The following NTSR1 variants were observed in gnomAD, a reference collection of about 807,000 sequenced individuals.
NTSR1 encodes neurotensin receptor type 1.
Under a neutral mutation model 31.2 loss-of-function variants are expected in NTSR1, and 29 were observed. That is an observed-to-expected ratio of 0.93 (90% CI 0.69 to 1.27). The LOEUF (loss-of-function observed/expected upper bound fraction) is 1.27. Ranked by LOEUF, NTSR1 falls within the 50% of genes most tolerant of loss-of-function variation. NTSR1 has a pLI of 0.00. For synonymous variants in NTSR1, 282 were observed against 269.9 expected (o/e 1.04, Z -0.44); for missense variants, 697 against 595.4 (o/e 1.17, Z -1.78).
chr20:62,751,498 C>T (rs1162437909), intron 1 of NTSR1, among the ~76,000 whole-genome samples: 1 of 152,242 alleles, frequency 6.6e-6, no homozygotes, highest in Non-Finnish European at 1.5e-5. Context: ...TCATGGGGTG[C>T]CCCGCTTCAC....
At chr20:62,749,922 G>A (rs900115778) in intron 1 of NTSR1, among the ~76,000 whole-genome samples, 3 of 152,172 alleles carry the variant, frequency 2.0e-5, no homozygotes, top group Admixed American at 6.5e-5. Flanking sequence ...CAGAACCACC[G>A]TAGGATCCAG....
chr20:62,750,807 A>G (rs1392504354), intron 1 of NTSR1, among the ~76,000 whole-genome samples: 2 of 152,042 alleles, frequency 1.3e-5, no homozygotes, highest in African/African-American at 2.4e-5. Flanking sequence ...CGGATGTTTC[A>G]TTAGCTCGAT....
intron 1 of NTSR1, among the ~76,000 whole-genome samples, chr20:62,749,250 G>A (rs1989352769): frequency 6.6e-6 from 1 of 152,138 alleles, no homozygotes; most frequent in African/African-American, 2.4e-5. Flanking sequence ...GACCATCCTG[G>A]CTAACACGGT....
Position 62,762,105 on chromosome 20 carries a change from A to T in NTSR1, c.*1838A>T, listed in dbSNP as rs1048925283. On this transcript the variant is annotated 3_prime_UTR_variant, in exon 4 of 4. Coordinates refer to ENST00000370501, the MANE Select transcript of NTSR1 (RefSeq NM_002531.3). ...ATGTCCAGAGGTCAGTGCAGCCCCT[A>T]CCCCTGCTCAGGAGTGGGCTCAGAG... The T allele has an allele frequency of 2.6e-5, 4 of 152,214 alleles. No homozygotes were observed. Among genetic ancestry groups the T allele is most frequent in the Admixed American group, 2.0e-4 (3 of 15,276 alleles). The allele number at this position is 152,214 out of a possible 1,614,324, so 9.4% of individuals were successfully genotyped here. A position where few individuals can be genotyped will look rare whatever the true frequency, so the allele number is the denominator to read the frequency against.
At chr20:62,738,355 A>G (rs1005330762) in intron 1 of NTSR1, among the ~76,000 whole-genome samples, 1 of 152,270 alleles carries the variant, frequency 6.6e-6, no homozygotes, top group Non-Finnish European at 1.5e-5. Flanking sequence ...TCAGGTCTGC[A>G]GCCCGGCTTG....
At position 62,743,572 on chromosome 20, in the gene NTSR1, T is replaced by C. The variant is rs1413001938; in HGVS notation, c.715-11113T>C. On this transcript the variant is annotated intron_variant, in intron 1 of 3. Coordinates refer to ENST00000370501, the MANE Select transcript of NTSR1 (RefSeq NM_002531.3). The surrounding 1 kb of genome is among the most constrained non-coding windows in gnomAD (Gnocchi z 7.5). ...AAGGCCACCCCAGCGGTCACCCCCT[T>C]GGGAGGGTGTGGACAGGAGCCTCCC... Among the ~76,000 whole-genome samples the C allele has an allele frequency of 2.6e-5, 4 of 152,130 alleles. No homozygotes were observed. The highest frequency in any genetic ancestry group is 9.6e-5 in the African/African-American group (4 of 41,454).
At chr20:62,739,884 G>T (rs527457095) in intron 1 of NTSR1, among the ~76,000 whole-genome samples, 5 of 152,236 alleles carry the variant, frequency 3.3e-5, no homozygotes, top group South Asian at 2.1e-4. Flanking sequence ...ATGCTGTCCC[G>T]CAGGCAACTG....
rs142614687 is a variant in NTSR1 at position 62,714,159 on chromosome 20, T to G, written c.714+4238T>G. Among the ~76,000 whole-genome samples the G allele has an allele frequency of 9.7e-3, 1,470 of 152,248 alleles. 15 individuals are homozygous for G. The highest frequency in any genetic ancestry group is 0.015 in the Non-Finnish European group (1,051 of 68,016). ...AGGAACAGCCTGCTCCACTCTGACC[T>G]CCCGTGAGGACGGGAAGGGGACCCA... is the stretch of plus-strand genomic sequence containing the variant. On this transcript the variant is annotated intron_variant, in intron 1 of 3. Transcript: ENST00000370501. The surrounding 1 kb of genome is among the most constrained non-coding windows in gnomAD (Gnocchi z 4.1).
In NTSR1 at chr20:62,760,202, A is replaced by C; in HGVS notation, c.1192A>C (p.Lys398Gln). Residue 398 changes from lysine to glutamine, a missense_variant, in exon 4 of 4, where the codon AAG becomes CAG. Physicochemically the swap from Lys to Gln is moderately conservative, Grantham distance 53 (BLOSUM62 1). Coordinates refer to ENST00000370501, the MANE Select transcript of NTSR1 (RefSeq NM_002531.3). ...RRRKRPAFSR[K>Q]ADSVSSNHTL... ...GAGGAAGAGGCCAGCCTTCTCGAGG[A>C]AGGCCGACAGCGTGTCCAGCAACCA... is the stretch of plus-strand genomic sequence containing the variant. 1 of 1,613,830 alleles carries C rather than the reference A, an allele frequency of 6.2e-7. No individual in the cohort carries two copies. The highest frequency in any genetic ancestry group is 8.5e-7 in the Non-Finnish European group (1 of 1,179,986).
Position 62,745,118 on chromosome 20 carries a change from A to G in NTSR1, c.715-9567A>G, listed in dbSNP as rs964631325. On this transcript the variant is annotated intron_variant, in intron 1 of 3. Coordinates refer to ENST00000370501, the MANE Select transcript of NTSR1 (RefSeq NM_002531.3). The surrounding 1 kb of genome is among the most constrained non-coding windows in gnomAD (Gnocchi z 4.1). ...CCCATGGCCCAGAGCCCAGCTACCC[A>G]GCCGGCTCCAGGGAGGGTGGCCCAG... 1.3e-5 allele frequency among the ~76,000 whole-genome samples: 2 copies of G among 152,170 alleles called. No individual in the cohort carries two copies. Among genetic ancestry groups the G allele is most frequent in the African/African-American group, 4.8e-5 (2 of 41,436 alleles).
intron 1 of NTSR1, among the ~76,000 whole-genome samples, chr20:62,753,226 C>T (rs929175427): frequency 1.3e-5 from 2 of 152,324 alleles, no homozygotes; most frequent in Non-Finnish European, 2.9e-5. Flanking sequence ...GTGCCTCAGC[C>T]GGTGCCCAGA....
rs369764736 is a variant in NTSR1 at position 62,754,794 on chromosome 20, A to C, written c.824A>C (p.Gln275Pro). ...VMVRQAAEQGQVCTVGGEHST... is the reference protein window; with the variant it reads ...VMVRQAAEQGPVCTVGGEHST... ...GTACGCCAGGCGGCCGAGCAGGGCC[A>C]AGTGTGCACGGTCGGGGGCGAGCAC... The change falls in exon 2 of 4, where the codon CAA becomes CCA. Residue 275 changes from glutamine (Q) to proline (P), a missense_variant. By Grantham distance (76) the Gln-to-Pro change is moderately conservative. Transcript: ENST00000370501. 16 of 1,611,630 alleles carry C rather than the reference A, an allele frequency of 9.9e-6. No individual in the cohort carries two copies. Among genetic ancestry groups the C allele is most frequent in the Non-Finnish European group, 1.4e-5 (16 of 1,179,750 alleles).
At chr20:62,748,796 T>C (rs1215187486) in intron 1 of NTSR1, among the ~76,000 whole-genome samples, 1 of 152,036 alleles carries the variant, frequency 6.6e-6, no homozygotes, top group Non-Finnish European at 1.5e-5. Flanking sequence ...AAATGAGTTA[T>C]AGGATTAAGG....
At chr20:62,716,606 T>A in intron 1 of NTSR1, among the ~76,000 whole-genome samples, 1 of 147,478 alleles carries the variant, frequency 6.8e-6, no homozygotes, top group Non-Finnish European at 1.5e-5. Context: ...CCTGCCTCCG[T>A]GAGTCTGTGA....
Position 62,760,839 on chromosome 20 carries a change from G to T in NTSR1, c.*572G>T, listed in dbSNP as rs905318562. ...CTCCCTGACTCGCCCCTTCAGGCCT[G>T]GCAAGCTGGGGGCCCATCGCCGTGG... On this transcript the variant is annotated 3_prime_UTR_variant, in exon 4 of 4. Transcript: ENST00000370501. 13 of 152,908 alleles carry T rather than the reference G, an allele frequency of 8.5e-5. No individual in the cohort carries two copies. The highest frequency in any genetic ancestry group is 3.3e-4 in the Admixed American group (5 of 15,342). 9.5% of individuals were successfully genotyped at this position (152,908 alleles called of 1,614,324 possible).
intron 1 of NTSR1, among the ~76,000 whole-genome samples, chr20:62,749,352 C>T (rs1294799892): frequency 6.6e-6 from 1 of 151,842 alleles, no homozygotes; most frequent in Non-Finnish European, 1.5e-5. Flanking sequence ...GAAATTGTAC[C>T]CTTATCTCAC....
chr20:62,753,009 C>T (rs1044052837), intron 1 of NTSR1, among the ~76,000 whole-genome samples: 15 of 152,182 alleles, frequency 9.9e-5, no homozygotes, highest in Admixed American at 7.9e-4. Flanking sequence ...ACAGGTGGCA[C>T]GAGCAAGGGG....
rs1376626236 is a variant in NTSR1, at chr20:62,711,568, C to T, written c.714+1647C>T. On this transcript the variant is annotated intron_variant, in intron 1 of 3. Transcript: ENST00000370501. The surrounding 1 kb of genome is among the most constrained non-coding windows in gnomAD (Gnocchi z 6.4). ...CCCCGGATCCCCCCACTCAGACCCC[C>T]GATCCCCCCGCTCAGATCCCCGATC... Among the ~76,000 whole-genome samples, 6 of 146,618 alleles carry T rather than the reference C, an allele frequency of 4.1e-5. No individual in the cohort carries two copies. The highest frequency in any genetic ancestry group is 9.1e-5 in the Non-Finnish European group (6 of 66,140).
rs768353047 is a variant in NTSR1, at chr20:62,715,796, A to G, written c.714+5875A>G. On this transcript the variant is annotated intron_variant, in intron 1 of 3. Transcript: ENST00000370501. This position sits in a 1 kb window ranked among gnomAD's most constrained non-coding sequence, Gnocchi z 4.7. Reference sequence around the variant, plus strand: ...CAAGAACCACCACAAGCCACCCCACAGGTGAGGCAGGCCTCAGGCAGCAGC... The same window carrying G: ...CAAGAACCACCACAAGCCACCCCACGGGTGAGGCAGGCCTCAGGCAGCAGC... Among the ~76,000 whole-genome samples, 7 of 152,188 alleles carry G rather than the reference A, an allele frequency of 4.6e-5. No individual in the cohort carries two copies. Among genetic ancestry groups the G allele is most frequent in the Non-Finnish European group, 7.4e-5 (5 of 68,024 alleles).
Sources: gnomAD v4.1 joint callset for allele counts (sites outside exome capture counted in the v4.1 genomes callset) on GRCh38, gnomAD v4.1.1 for gene constraint, Gnocchi (gnomAD v3.1) non-coding constraint, MANE v1.5 for transcripts, NCBI Gene and HGNC (gene_info 2026-07-23, HGNC 2026-07-21) for gene names.